The following PHIP variants were observed in gnomAD, a reference collection of about 807,000 sequenced individuals.
PHIP encodes the protein PH-interacting protein.
Under a neutral mutation model 236.8 loss-of-function variants are expected in PHIP, and 54 were observed. That is an observed-to-expected ratio of 0.23 (90% CI 0.18 to 0.29). PHIP has a LOEUF of 0.29. PHIP is among the 10% of genes least tolerant of loss of function. The pLI is 1.00. For synonymous variants in PHIP, 756 were observed against 718.9 expected (o/e 1.05, Z -0.83); for missense variants, 1,370 against 2,190.8 (o/e 0.63, Z 7.48).
chr6:79,042,293 C>T lies in PHIP; in HGVS notation c.600+550G>A, dbSNP rs1348110197. On this transcript the variant is annotated intron_variant, in intron 7 of 39. Transcript: ENST00000275034. ...ACAAATAAACAAACCCAAAGAGGCTCTATAAACAAAACATCAGATATTTTG... is the reference window on the plus strand; with the variant it reads ...ACAAATAAACAAACCCAAAGAGGCTTTATAAACAAAACATCAGATATTTTG... 2.6e-5 allele frequency among the ~76,000 whole-genome samples: 4 copies of T among 151,844 alleles called. No homozygotes were observed. The East Asian group carries it at 7.7e-4, about 29-fold the overall frequency.
At chr6:79,062,093 A>G (rs1474865306) in intron 4 of PHIP, among the ~76,000 whole-genome samples, 1 of 152,166 alleles carries the variant, frequency 6.6e-6, no homozygotes, top group Non-Finnish European at 1.5e-5. Context: ...ACAGTAGGTG[A>G]TAAGCCAGTA....
rs1340846963 is a variant in PHIP at position 78,938,432 on chromosome 6, A to T, written c.*2261T>A. On this transcript the variant is annotated 3_prime_UTR_variant, in exon 40 of 40. Coordinates refer to ENST00000275034, the MANE Select transcript of PHIP (RefSeq NM_017934.7). ...TTCCTTTTTCTGTACACAACTTAAAACTGTACATTTTTTTTACAAAAATTG... is the reference window on the plus strand; with the variant it reads ...TTCCTTTTTCTGTACACAACTTAAATCTGTACATTTTTTTTACAAAAATTG... The T allele has an allele frequency of 6.6e-6, 1 of 151,690 alleles. No homozygotes were observed. Among genetic ancestry groups the T allele is most frequent in the African/African-American group, 2.4e-5 (1 of 41,402 alleles). 9.4% of individuals were successfully genotyped at this position (151,690 alleles called of 1,614,324 possible). A position where few individuals can be genotyped will look rare whatever the true frequency, so the allele number is the denominator to read the frequency against.
intron 19 of PHIP, among the ~76,000 whole-genome samples, chr6:78,993,808 T>C (rs368288536): frequency 6.6e-6 from 1 of 152,260 alleles, no homozygotes; most frequent in African/African-American, 2.4e-5. Flanking sequence ...ACATCCATTC[T>C]GCAGCCTATG....
At chr6:78,946,465 A>C (rs1773824253) in intron 37 of PHIP, 1 of 1,400,504 alleles carries the variant, frequency 7.1e-7, no homozygotes, top group Admixed American at 3.3e-5. Context: ...TATGACGGAA[A>C]GCATGATGCC....
At chr6:79,012,574 T>A (rs1770642539) in intron 15 of PHIP, among the ~76,000 whole-genome samples, 1 of 151,742 alleles carries the variant, frequency 6.6e-6, no homozygotes, top group Non-Finnish European at 1.5e-5. Flanking sequence ...TGATTACTAC[T>A]ACAACTTAAC....
intron 15 of PHIP, chr6:79,004,476 T>A: frequency 1.1e-6 from 1 of 899,148 alleles, no homozygotes; most frequent in Non-Finnish European, 1.3e-6. Context: ...CACTCTGAAT[T>A]TTTTGCTCTC....
intron 24 of PHIP, among the ~76,000 whole-genome samples, chr6:78,977,256 C>G (rs967923116): frequency 2.0e-5 from 3 of 151,208 alleles, no homozygotes; most frequent in Non-Finnish European, 4.4e-5. Context: ...AACCATCATT[C>G]TCAGTAAACT....
chr6:79,018,906 T>C (rs1259232884), intron 10 of PHIP, among the ~76,000 whole-genome samples, 183 bp downstream of exon 10: 2 of 152,020 alleles, frequency 1.3e-5, no homozygotes, highest in Non-Finnish European at 2.9e-5. Context: ...AACTAAACTC[T>C]TGCATAAATG....
chr6:78,973,483 A>C (rs1267686850), intron 24 of PHIP, among the ~76,000 whole-genome samples: 11 of 90,328 alleles, frequency 1.2e-4, no homozygotes, highest in African/African-American at 4.7e-4. Context: ...TGAGCAAAAT[A>C]ACCAGCTAAC....
intron 23 of PHIP, 122 bp from the exon 24 acceptor site, chr6:78,978,833 T>C: frequency 1.4e-6 from 1 of 690,636 alleles, no homozygotes; most frequent in Non-Finnish European, 2.2e-6. Flanking sequence ...TTGTACAATA[T>C]TATATACAGT....
Position 78,945,457 on chromosome 6 carries a change from A to C in PHIP, c.4671T>G (p.Thr1557=). Residue 1557 remains threonine (T), a synonymous_variant, in exon 39 of 40, where the codon ACT becomes ACG. Coordinates refer to ENST00000275034, the MANE Select transcript of PHIP (RefSeq NM_017934.7). Reference sequence around the variant, plus strand: ...AACTGGATTGACCAGGACTGGAAAGAGTATTCAAAGCTTTGGAATGTTTCA... The same window carrying C: ...AACTGGATTGACCAGGACTGGAAAGCGTATTCAAAGCTTTGGAATGTTTCA... The part of the protein sequence containing the change: ...NSVKHSKALN[T]LSSPGQSSFS... 6.2e-7 allele frequency: 1 copy of C among 1,611,168 alleles called. No individual in the cohort carries two copies. Among genetic ancestry groups the C allele is most frequent in the Non-Finnish European group, 8.5e-7 (1 of 1,177,392 alleles).
At chr6:78,945,205 G>A (rs980677440) in intron 39 of PHIP, 95 bp downstream of exon 39, 23 of 918,362 alleles carry the variant, frequency 2.5e-5, no homozygotes, top group Non-Finnish European at 3.5e-5. Flanking sequence ...TTTTAAGTGG[G>A]CAACCTGAAA....
intron 10 of PHIP, among the ~76,000 whole-genome samples, chr6:79,018,541 T>A (rs947372126): frequency 6.6e-6 from 1 of 151,956 alleles, no homozygotes; most frequent in African/African-American, 2.4e-5. Flanking sequence ...ATAACCAGAT[T>A]TTTTTTATAA....
intron 9 of PHIP, among the ~76,000 whole-genome samples, chr6:79,022,882 T>G (rs893945163): frequency 6.6e-6 from 1 of 152,214 alleles, no homozygotes. Flanking sequence ...ATTTCTAAAG[T>G]CATTTCCCCC....
At position 78,988,345 on chromosome 6, in the gene PHIP, T is replaced by C; in HGVS notation, c.2324A>G (p.His775Arg). The change falls in exon 21 of 40, where the codon CAT (histidine) becomes CGT (arginine). Residue 775 changes from histidine to arginine, a missense_variant. This residue lies in a region of PHIP where 99 missense variants were observed against 110.0 expected (regional missense o/e 0.90). Coordinates refer to ENST00000275034, the MANE Select transcript of PHIP (RefSeq NM_017934.7). ...ENKIPTVSKN[H>R]AHEHFLDLGE... ...AAGATCCAGGAAATGCTCATGAGCA[T>C]GATTCTAGAAAAAAATAAATTAAAT... The C allele has an allele frequency of 6.3e-7, 1 of 1,578,416 alleles. No individual in the cohort carries two copies. Among genetic ancestry groups the C allele is most frequent in the South Asian group, 1.2e-5 (1 of 84,408 alleles).
At chr6:79,076,413 G>A (rs546341995) in intron 4 of PHIP, among the ~76,000 whole-genome samples, 3 of 152,260 alleles carry the variant, frequency 2.0e-5, no homozygotes, top group Admixed American at 6.5e-5. Flanking sequence ...GGTCCGGTGC[G>A]ACTGCTTTAA....
intron 15 of PHIP, among the ~76,000 whole-genome samples, chr6:79,007,165 A>C (rs1770331208): frequency 6.6e-6 from 1 of 152,114 alleles, no homozygotes; most frequent in Non-Finnish European, 1.5e-5. Flanking sequence ...AAAACTTATG[A>C]GCTAAGAGCT....
rs1773214822 is a variant in PHIP at position 78,934,973 on chromosome 6, C to G, written c.*5720G>C. ...TGGTAAATGTGTTAAATTTACCACACATTGATTACAAACACGAAGTACTAT... is the reference window on the plus strand; with the variant it reads ...TGGTAAATGTGTTAAATTTACCACAGATTGATTACAAACACGAAGTACTAT... On this transcript the variant is annotated 3_prime_UTR_variant, in exon 40 of 40. Transcript: ENST00000275034. 6.6e-6 allele frequency among the ~76,000 whole-genome samples: 1 copy of G among 152,146 alleles called. No homozygotes were observed. Among genetic ancestry groups the G allele is most frequent in the South Asian group, 2.1e-4 (1 of 4,834 alleles).
chr6:79,011,928 T>A (rs1185517210), intron 15 of PHIP, among the ~76,000 whole-genome samples: 1 of 151,578 alleles, frequency 6.6e-6, no homozygotes, highest in Non-Finnish European at 1.5e-5. Flanking sequence ...CAATGATGAC[T>A]ATCAGTGCAA....
Sources: gnomAD v4.1 joint callset for allele counts (sites outside exome capture counted in the v4.1 genomes callset) on GRCh38, gnomAD v4.1.1 for gene constraint, gnomAD v4.1.1 regional missense constraint, MANE v1.5 for transcripts, NCBI Gene and HGNC (gene_info 2026-07-23, HGNC 2026-07-21) for gene names.